The following UGT8 variants were observed in gnomAD, a reference collection of about 807,000 sequenced individuals.
UGT8 encodes the protein UDP glycosyltransferase 8.
In UGT8, 12 loss-of-function variants were observed where a neutral mutation model predicts 40.5. The observed-to-expected ratio is 0.30, with a 90% confidence interval of 0.19 to 0.48. UGT8 has a LOEUF of 0.48. UGT8 is among the 20% of genes least tolerant of loss of function. The pLI, the probability that UGT8 is intolerant of heterozygous loss-of-function variation, is 0.99. For missense variants in UGT8, 513 were observed against 648.7 expected, an observed-to-expected ratio of 0.79 and a Z score of 2.27; for synonymous variants, 224 against 240.4, an observed-to-expected ratio of 0.93 and a Z score of 0.63.
chr4:114,667,831 A>AT, intron 4 of UGT8: 1 of 790,730 alleles, frequency 1.3e-6, no homozygotes, highest in Non-Finnish European at 1.5e-6. Context: ...GTCATGCAAT[A>AT]TTTGTGTTAA....
At chr4:114,660,739 A>C (rs771780288) in intron 2 of UGT8, among the ~76,000 whole-genome samples, 4 of 151,940 alleles carry the variant, frequency 2.6e-5, no homozygotes, top group Non-Finnish European at 4.4e-5. Flanking sequence ...AAAAATACAA[A>C]AAATTAGCCG....
chr4:114,652,683 G>T (rs530615788), intron 2 of UGT8, among the ~76,000 whole-genome samples: 1 of 151,990 alleles, frequency 6.6e-6, no homozygotes, highest in Non-Finnish European at 1.5e-5. Context: ...CCAAATTTTA[G>T]TTCCACAGAA....
At chr4:114,604,160 A>G (rs1461736851) in intron 1 of UGT8, among the ~76,000 whole-genome samples, 1 of 152,138 alleles carries the variant, frequency 6.6e-6, no homozygotes, top group Non-Finnish European at 1.5e-5. Context: ...TGTGTTTAAA[A>G]AGCACCTGGT....
chr4:114,603,398 A>G (rs1206999677), intron 1 of UGT8, among the ~76,000 whole-genome samples: 2 of 152,214 alleles, frequency 1.3e-5, no homozygotes, highest in Non-Finnish European at 2.9e-5. Flanking sequence ...ATAAACCGTG[A>G]AAGTTGATAG....
rs1451358045 is a variant in UGT8, at chr4:114,623,404, C to T, written c.524C>T (p.Ala175Val). 1 of 1,614,188 alleles carries T rather than the reference C, an allele frequency of 6.2e-7. No homozygotes were observed. The highest frequency in any genetic ancestry group is 2.2e-5 in the East Asian group (1 of 44,890). The change falls in exon 2 of 6, where the codon GCA becomes GTA. Residue 175 changes from alanine (A) to valine (V), a missense_variant. Coordinates refer to ENST00000310836, the MANE Select transcript of UGT8 (RefSeq NM_001128174.3). ...PAEVGAPAPL[A>V]YVPEFNSLLT... Reference sequence around the variant, plus strand: ...GAAGTGGGTGCTCCTGCTCCATTAGCATACGTCCCAGAGTTTAACTCACTC... The same window carrying T: ...GAAGTGGGTGCTCCTGCTCCATTAGTATACGTCCCAGAGTTTAACTCACTC...
chr4:114,663,667 A>G, intron 2 of UGT8: 1 of 984,702 alleles, frequency 1.0e-6, no homozygotes, highest in Non-Finnish European at 1.2e-6. Flanking sequence ...TTGTGTCTGC[A>G]TACAAATTTT....
At chr4:114,657,028 A>G (rs538318671) in intron 2 of UGT8, among the ~76,000 whole-genome samples, 1 of 152,288 alleles carries the variant, frequency 6.6e-6, no homozygotes, top group South Asian at 2.1e-4. Flanking sequence ...AAGTCCATTA[A>G]TCAAATTTCT....
chr4:114,642,747 C>A (rs2126115008), intron 2 of UGT8, among the ~76,000 whole-genome samples: 1 of 151,916 alleles, frequency 6.6e-6, no homozygotes, highest in Middle Eastern at 3.4e-3. Flanking sequence ...AAATGTATTT[C>A]AAAAAAATTG....
chr4:114,671,465 T>A (rs1005380087), intron 5 of UGT8, among the ~76,000 whole-genome samples: 1 of 152,096 alleles, frequency 6.6e-6, no homozygotes, highest in Non-Finnish European at 1.5e-5. Context: ...ATGGTACTGG[T>A]ACCAAAACAG....
chr4:114,617,344 A>G (rs1560672079), intron 1 of UGT8, among the ~76,000 whole-genome samples: 1 of 152,218 alleles, frequency 6.6e-6, no homozygotes, highest in East Asian at 1.9e-4. Flanking sequence ...ATATCCTGAT[A>G]TCTTACTGTT....
intron 5 of UGT8, among the ~76,000 whole-genome samples, chr4:114,669,313 C>T (rs1735085582): frequency 6.6e-6 from 1 of 151,956 alleles, no homozygotes; most frequent in Non-Finnish European, 1.5e-5. Flanking sequence ...CTAAGTATAT[C>T]CCTTCTTCTG....
intron 2 of UGT8, among the ~76,000 whole-genome samples, chr4:114,637,140 GC>G (rs1330879568): frequency 6.6e-6 from 1 of 152,108 alleles, no homozygotes; most frequent in Non-Finnish European, 1.5e-5. Context: ...CAATATGAAT[GC>G]CCCTAATACC....
chr4:114,610,479 A>G (rs780973939), intron 1 of UGT8, among the ~76,000 whole-genome samples: 8 of 152,196 alleles, frequency 5.3e-5, no homozygotes, highest in Non-Finnish European at 7.4e-5. Context: ...TGTGGTGAAT[A>G]TCGGTTATAA....
chr4:114,623,591 C>A lies in UGT8; in HGVS notation c.711C>A (p.Ser237=). Residue 237 remains serine (S), a synonymous_variant, in exon 2 of 6, where the codon TCC becomes TCA. Coordinates refer to ENST00000310836, the MANE Select transcript of UGT8 (RefSeq NM_001128174.3). ...CCATGTATGATTTGGTTCATGGGTC[C>A]AGCCTGTGGATGCTGTGTACTGACG... ...EKSMYDLVHG[S]SLWMLCTDVA... is the part of the protein sequence containing the mutation. 6.2e-7 allele frequency: 1 copy of A among 1,614,096 alleles called. No individual in the cohort carries two copies. The highest frequency in any genetic ancestry group is 8.5e-7 in the Non-Finnish European group (1 of 1,180,016).
intron 2 of UGT8, among the ~76,000 whole-genome samples, chr4:114,661,621 T>A (rs1734544928): frequency 6.6e-6 from 1 of 152,112 alleles, no homozygotes; most frequent in African/African-American, 2.4e-5. Context: ...ACACCAAATG[T>A]TCTGTGAATT....
At chr4:114,609,221 A>T (rs1012706452) in intron 1 of UGT8, among the ~76,000 whole-genome samples, 2 of 152,154 alleles carry the variant, frequency 1.3e-5, no homozygotes, top group Non-Finnish European at 2.9e-5. Flanking sequence ...ATTGCACTCC[A>T]GCCTGGGCAA....
Position 114,600,497 on chromosome 4 carries a change from C to G in UGT8, c.-3+1523C>G, listed in dbSNP as rs183026672. ...ATTTGAAGGAAGGATAGAAAGTGCC[C>G]TTTTTTCTTTTCTTTTTTAAAAACT... On this transcript the variant is annotated intron_variant, in intron 1 of 5. Coordinates refer to ENST00000310836, the MANE Select transcript of UGT8 (RefSeq NM_001128174.3). Among the ~76,000 whole-genome samples, 360 of 152,210 alleles carry G rather than the reference C, an allele frequency of 2.4e-3. 4 individuals are homozygous for G. Among genetic ancestry groups the G allele is most frequent in the Middle Eastern group, 0.01 (3 of 294 alleles).
intron 1 of UGT8, among the ~76,000 whole-genome samples, chr4:114,609,355 T>C (rs1366068300): frequency 6.6e-6 from 1 of 152,236 alleles, no homozygotes; most frequent in African/African-American, 2.4e-5. Flanking sequence ...GTCTGTTTAA[T>C]TTGCCAGTTT....
chr4:114,667,029 GT>G (rs1734928898), intron 4 of UGT8, among the ~76,000 whole-genome samples: 2 of 152,040 alleles, frequency 1.3e-5, no homozygotes, highest in Non-Finnish European at 2.9e-5. Context: ...TTGGTGGTAG[GT>G]TTTGTTCAAA....
Sources: allele counts gnomAD v4.1 joint callset (sites outside exome capture counted in the v4.1 genomes callset), GRCh38; gene constraint gnomAD v4.1.1; transcripts MANE v1.5; gene names NCBI Gene and HGNC (gene_info 2026-07-23, HGNC 2026-07-21).